Variants in ACSF3 observed in about 807,000 individuals in gnomAD.
ACSF3 encodes acyl-CoA synthetase family member 3.
Under a neutral mutation model 53.2 loss-of-function variants are expected in ACSF3, and 78 were observed. The ratio of observed to expected loss-of-function variants is 1.47; its 90% CI spans 1.22 to 1.77. ACSF3 has a LOEUF of 1.77. ACSF3 is among the 40% of genes most tolerant of loss of function. The pLI, the probability that ACSF3 is intolerant of heterozygous loss-of-function variation, is 0.00. For missense variants in ACSF3, 937 were observed against 771.1 expected (o/e 1.22, Z -2.55); for synonymous variants, 414 against 333.1 (o/e 1.24, Z -2.65).
At chr16:89,146,441 G>T (rs372193217) in intron 10 of ACSF3, among the ~76,000 whole-genome samples, 38 of 152,042 alleles carry the variant, frequency 2.5e-4, no homozygotes, top group African/African-American at 8.9e-4. Context: ...GCCCTTCCCC[G>T]CCAGGCCACA....
intron 8 of ACSF3, chr16:89,140,984 C>T (rs1911637745): frequency 9.7e-6 from 11 of 1,131,822 alleles, no homozygotes; most frequent in South Asian, 1.5e-5. Flanking sequence ...CAGCCGACTC[C>T]GATTCCAGAA....
At chr16:89,112,925 C>T (rs184798639) in intron 5 of ACSF3, among the ~76,000 whole-genome samples, 8 of 152,330 alleles carry the variant, frequency 5.3e-5, no homozygotes, top group East Asian at 1.9e-4. Context: ...CTCTCAGCCC[C>T]GCTCCTCCCC....
chr16:89,121,391 C>T (rs1349595396), intron 7 of ACSF3, among the ~76,000 whole-genome samples: 6 of 152,156 alleles, frequency 3.9e-5, no homozygotes, highest in South Asian at 2.1e-4. Flanking sequence ...GCCCTGCACG[C>T]GGAGGTGGGT....
chr16:89,116,802 C>G (rs1367937720), intron 6 of ACSF3, among the ~76,000 whole-genome samples: 2 of 152,208 alleles, frequency 1.3e-5, no homozygotes, highest in African/African-American at 4.8e-5. Flanking sequence ...AGTCTCAGAC[C>G]CCAGGAAACC....
intron 6 of ACSF3, chr16:89,114,738 G>A: frequency 5.2e-6 from 3 of 574,562 alleles, no homozygotes; most frequent in Non-Finnish European, 9.5e-6. Flanking sequence ...CTGTATGACT[G>A]GGGAGACAAT....
In ACSF3 at chr16:89,103,529, C is replaced by T. The variant is rs146078525; in HGVS notation, c.822+770C>T. Among the ~76,000 whole-genome samples the T allele has an allele frequency of 6.6e-5, 10 of 152,346 alleles. No individual in the cohort carries two copies. The East Asian group carries it at 9.6e-4, about 15-fold the overall frequency. On this transcript the variant is annotated intron_variant, in intron 4 of 10. Coordinates refer to ENST00000614302, the MANE Select transcript of ACSF3 (RefSeq NM_001243279.3). ...TCGGCTTCCCTTTGTGCAGCCTATG[C>T]GGATATTCCAAGATCATCTCCCATC...
chr16:89,134,394 C>T (rs1909987156), intron 8 of ACSF3, among the ~76,000 whole-genome samples: 1 of 152,162 alleles, frequency 6.6e-6, no homozygotes, highest in Non-Finnish European at 1.5e-5. Context: ...AATGGCGAGC[C>T]TTTAGGCCAG....
intron 6 of ACSF3, chr16:89,114,800 A>G (rs1904795701): frequency 4.7e-6 from 2 of 425,504 alleles, no homozygotes; most frequent in African/African-American, 4.0e-5. Context: ...TCTCAGAGGA[A>G]GGCGGGGGGC....
chr16:89,126,349 A>G (rs1218668084), intron 7 of ACSF3, among the ~76,000 whole-genome samples: 2 of 151,938 alleles, frequency 1.3e-5, no homozygotes, highest in Non-Finnish European at 1.5e-5. Flanking sequence ...GCTCACTGCA[A>G]CCTCTACTTC....
intron 8 of ACSF3, chr16:89,136,627 T>C (rs1289073449): frequency 7.8e-7 from 1 of 1,287,236 alleles, no homozygotes. Flanking sequence ...CAGCTGAGGA[T>C]GGCCGAGGCC....
chr16:89,141,213 A>T, intron 8 of ACSF3: 1 of 1,287,218 alleles, frequency 7.8e-7, no homozygotes, highest in Non-Finnish European at 1.0e-6. Context: ...CCTTGATAGC[A>T]GCGTCCCAGC....
chr16:89,095,337 A>G (rs1974486354), intron 1 of ACSF3: 1 of 152,194 alleles, frequency 6.6e-6, no homozygotes, highest in South Asian at 2.1e-4. Flanking sequence ...CATTTTTAAA[A>G]TAGTATTTTT....
At chr16:89,142,505 G>A (rs62068500) in intron 8 of ACSF3, among the ~76,000 whole-genome samples, 269 of 149,704 alleles carry the variant, frequency 1.8e-3, no homozygotes, top group Non-Finnish European at 2.8e-3. Context: ...ACACAGCCAC[G>A]CCTGCAGAGA....
intron 4 of ACSF3, among the ~76,000 whole-genome samples, chr16:89,105,670 TGGG>T (rs1313419222): frequency 6.6e-6 from 1 of 152,154 alleles, no homozygotes; most frequent in African/African-American, 2.4e-5. Flanking sequence ...GAACCTCTGT[TGGG>T]GGCTGCCCGG....
At chr16:89,118,030 G>T (rs7500709) in intron 6 of ACSF3, among the ~76,000 whole-genome samples, 83,834 of 130,826 alleles carry the variant, frequency 0.64, 25,422 homozygotes, top group Non-Finnish European at 0.7. Flanking sequence ...CGCCAGGGAC[G>T]TTCCCTCTTC....
intron 4 of ACSF3, among the ~76,000 whole-genome samples, chr16:89,103,002 A>G (rs1334131075): frequency 1.3e-5 from 2 of 152,218 alleles, no homozygotes; most frequent in African/African-American, 2.4e-5. Flanking sequence ...TTTTTGCTAT[A>G]CATACGTACC....
At chr16:89,110,166 T>A (rs1341427092) in intron 4 of ACSF3, among the ~76,000 whole-genome samples, 18 of 152,242 alleles carry the variant, frequency 1.2e-4, no homozygotes, top group Non-Finnish European at 2.1e-4. Context: ...ATTTTATCAA[T>A]TTTTAAACTT....
intron 10 of ACSF3, chr16:89,151,595 G>T: frequency 5.0e-6 from 1 of 199,702 alleles, no homozygotes; most frequent in Admixed American, 5.6e-5. Context: ...AAATCAGTCT[G>T]TGTAATTCAC....
chr16:89,128,968 GTTGGA>G, intron 7 of ACSF3, among the ~76,000 whole-genome samples: 1 of 18,132 alleles, frequency 5.5e-5, no homozygotes, highest in African/African-American at 1.8e-4. Context: ...TCTACAAAAA[GTTGGA>G]AAAAAAAAAA....
Sources: allele counts gnomAD v4.1 joint callset (sites outside exome capture counted in the v4.1 genomes callset), GRCh38; gene constraint gnomAD v4.1.1; transcripts MANE v1.5; gene names NCBI Gene and HGNC (gene_info 2026-07-23, HGNC 2026-07-21).